The following CPQ variants were observed in gnomAD, a reference collection of about 807,000 sequenced individuals.
CPQ encodes the protein carboxypeptidase Q, also known as Ser-Met dipeptidase.
A neutral mutation model predicts 45.7 loss-of-function variants in CPQ; 37 were observed. The ratio of observed to expected loss-of-function variants is 0.81; its 90% CI spans 0.62 to 1.07. The LOEUF is 1.07. CPQ is among the 50% of genes least tolerant of loss of function. The pLI is 0.00. For missense variants in CPQ, 537 were observed against 572.9 expected (o/e 0.94, Z 0.64); for synonymous variants, 186 against 205.8 (o/e 0.90, Z 0.82).
intron 3 of CPQ, among the ~76,000 whole-genome samples, chr8:96,879,073 T>G (rs1812185552): frequency 1.3e-5 from 2 of 152,194 alleles, no homozygotes; most frequent in Admixed American, 6.5e-5. Context: ...ATCAACAGAT[T>G]AATATAGGCT....
At chr8:97,037,464 G>A (rs929690184) in intron 6 of CPQ, among the ~76,000 whole-genome samples, 4 of 152,102 alleles carry the variant, frequency 2.6e-5, no homozygotes, top group South Asian at 2.1e-4. Flanking sequence ...CAGTATAGAC[G>A]TACTAATCAG....
At chr8:97,048,689 G>T (rs1020814472) in intron 6 of CPQ, among the ~76,000 whole-genome samples, 2 of 152,198 alleles carry the variant, frequency 1.3e-5, no homozygotes, top group African/African-American at 4.8e-5. Flanking sequence ...ATCAGGAGCT[G>T]CCCCTTTTAG....
chr8:97,122,438 C>G (rs1002907973), intron 7 of CPQ, among the ~76,000 whole-genome samples: 2 of 151,842 alleles, frequency 1.3e-5, no homozygotes, highest in East Asian at 1.9e-4. Context: ...CAAAAATATT[C>G]CTCAAAAATA....
chr8:97,081,811 T>C (rs1468745160), intron 7 of CPQ, among the ~76,000 whole-genome samples: 1 of 152,192 alleles, frequency 6.6e-6, no homozygotes, highest in East Asian at 1.9e-4. Context: ...TGTGTAGAAA[T>C]AGATTCAAGA....
chr8:96,674,447 A>T (rs1809047896), intron 1 of CPQ, among the ~76,000 whole-genome samples: 1 of 152,158 alleles, frequency 6.6e-6, no homozygotes, highest in Non-Finnish European at 1.5e-5. Flanking sequence ...ACTCTGAATT[A>T]GTGTCACCAA....
chr8:97,023,073 GTATATATATACACTATGTATATACTA>G (rs1431877586), intron 5 of CPQ, among the ~76,000 whole-genome samples: 28 of 66,256 alleles, frequency 4.2e-4, no homozygotes, highest in African/African-American at 1.2e-3. Flanking sequence ...AAACTGTAGT[GTATATATATACACTATGTATATACTA>G]TATATATACA....
intron 7 of CPQ, among the ~76,000 whole-genome samples, chr8:97,075,554 A>G (rs1810832259): frequency 6.6e-6 from 1 of 152,210 alleles, no homozygotes; most frequent in South Asian, 2.1e-4. Context: ...AGACTTCATC[A>G]CAGAAAACTA....
At chr8:96,667,024 G>A (rs1808933637) in intron 1 of CPQ, among the ~76,000 whole-genome samples, 1 of 151,974 alleles carries the variant, frequency 6.6e-6, no homozygotes, top group Admixed American at 6.6e-5. Flanking sequence ...TGCCTTTCTA[G>A]TCTCTCTTTT....
intron 2 of CPQ, among the ~76,000 whole-genome samples, chr8:96,820,121 G>A (rs1487482507): frequency 1.3e-5 from 2 of 152,026 alleles, no homozygotes; most frequent in African/African-American, 4.8e-5. Context: ...ACAGATTGAT[G>A]TGGATGGTCT....
chr8:96,668,025 T>C (rs1172218279), intron 1 of CPQ, among the ~76,000 whole-genome samples: 2 of 152,244 alleles, frequency 1.3e-5, no homozygotes, highest in Non-Finnish European at 2.9e-5. Flanking sequence ...TGCTAATGAT[T>C]AATTATTAAT....
intron 3 of CPQ, among the ~76,000 whole-genome samples, chr8:96,841,029 T>C (rs1025880496): frequency 1.1e-4 from 17 of 152,202 alleles, no homozygotes; most frequent in Non-Finnish European, 2.4e-4. Context: ...TTTCCCCTCT[T>C]TTTTTATATA....
chr8:97,022,851 C>A (rs1037767962), intron 5 of CPQ, among the ~76,000 whole-genome samples: 1 of 151,608 alleles, frequency 6.6e-6, no homozygotes, highest in Non-Finnish European at 1.5e-5. Flanking sequence ...AGTAGAACTA[C>A]CATTTGATCC....
chr8:96,825,231 A>G (rs1420052839), intron 2 of CPQ, among the ~76,000 whole-genome samples: 2 of 152,070 alleles, frequency 1.3e-5, no homozygotes, highest in Admixed American at 1.3e-4. Flanking sequence ...CTGAAAAAAA[A>G]TGAAGTCTCC....
chr8:96,682,411 A>G (rs1217931254), intron 1 of CPQ, among the ~76,000 whole-genome samples: 1 of 152,238 alleles, frequency 6.6e-6, no homozygotes, highest in Non-Finnish European at 1.5e-5. Flanking sequence ...GTAAAACGTG[A>G]CTTGCTTCTC....
chr8:97,030,697 C>T (rs3890744), intron 6 of CPQ, among the ~76,000 whole-genome samples: 14,794 of 152,200 alleles, frequency 0.097, 1,530 homozygotes, highest in African/African-American at 0.26. Context: ...GTTCCATACA[C>T]TATGTTATGC....
At chr8:97,017,710 G>T (rs1292466276) in intron 5 of CPQ, among the ~76,000 whole-genome samples, 2 of 152,092 alleles carry the variant, frequency 1.3e-5, no homozygotes, top group African/African-American at 4.8e-5. Context: ...TAACTCCATT[G>T]ACCTAGAAAC....
At chr8:96,926,552 C>T (rs536247637) in intron 4 of CPQ, among the ~76,000 whole-genome samples, 1 of 99,082 alleles carries the variant, frequency 1.0e-5, no homozygotes, top group African/African-American at 4.9e-5. Context: ...CTTCCTCTTC[C>T]TCTTCCTCTT....
At position 97,115,846 on chromosome 8, in the gene CPQ, C is replaced by T. The variant is rs529843779; in HGVS notation, c.1256-27174C>T. On this transcript the variant is annotated intron_variant, in intron 7 of 7. Coordinates refer to ENST00000220763, the MANE Select transcript of CPQ (RefSeq NM_016134.4). ...ACACACTAAAGAAATGGAGTTTCTACTTTAAAAATCAGGTGTATTGAAAAA... is the reference window on the plus strand; with the variant it reads ...ACACACTAAAGAAATGGAGTTTCTATTTTAAAAATCAGGTGTATTGAAAAA... Among the ~76,000 whole-genome samples, 7 of 152,218 alleles carry T rather than the reference C, an allele frequency of 4.6e-5. No homozygotes were observed. In the South Asian group the frequency reaches 8.3e-4, roughly 18 times the overall value.
chr8:97,032,787 A>G (rs1258210752), intron 6 of CPQ, among the ~76,000 whole-genome samples: 1 of 152,208 alleles, frequency 6.6e-6, no homozygotes, highest in East Asian at 1.9e-4. Flanking sequence ...AGGACCTTAC[A>G]TTTTACTTCA....
Sources: allele counts gnomAD v4.1 joint callset (sites outside exome capture counted in the v4.1 genomes callset), GRCh38; gene constraint gnomAD v4.1.1; transcripts MANE v1.5; gene names NCBI Gene and HGNC (gene_info 2026-07-23, HGNC 2026-07-21).